JPH1: variants seen among roughly 807,000 people sequenced by gnomAD.
JPH1 encodes the protein junctophilin-1.
A neutral mutation model predicts 53.6 loss-of-function variants in JPH1; 12 were observed. The observed-to-expected ratio is 0.22, with a 90% CI of 0.14 to 0.36. The LOEUF is 0.36. Among genes scored for constraint, JPH1 ranks in the 10% least tolerant of loss-of-function variants. The probability of loss-of-function intolerance (pLI) is 1.00; values close to 1 mark genes in which losing one functional copy is unlikely to be tolerated. For synonymous variants in JPH1, 375 were observed against 363.8 expected (o/e 1.03, Z -0.35); for missense variants, 808 against 905.5 (o/e 0.89, Z 1.38).
At chr8:74,286,089 C>G (rs1489133414) in intron 2 of JPH1, among the ~76,000 whole-genome samples, 1 of 152,182 alleles carries the variant, frequency 6.6e-6, no homozygotes, top group Non-Finnish European at 1.5e-5. Context: ...ATCCTGTTAA[C>G]TAGCCTTTCA....
rs1806436608 is a variant in JPH1, at chr8:74,263,035, T to C, written c.1140-3532A>G. Among the ~76,000 whole-genome samples the C allele has an allele frequency of 2.0e-5, 3 of 152,254 alleles. No individual in the cohort carries two copies. The South Asian group carries it at 6.2e-4, about 31-fold the overall frequency. ...TGGCTTAGGAGAAAATAATCTAGTT[T>C]CTTTTTCTTAAACATATAAGGCTTT... On this transcript the variant is annotated intron_variant, in intron 2 of 5. Transcript: ENST00000342232.
intron 2 of JPH1, among the ~76,000 whole-genome samples, chr8:74,268,183 C>A (rs977019842): frequency 2.0e-5 from 3 of 152,040 alleles, no homozygotes; most frequent in African/African-American, 7.2e-5. Context: ...CAGATAAATG[C>A]CCACTATTAG....
chr8:74,296,597 A>T (rs1346458907), intron 2 of JPH1, among the ~76,000 whole-genome samples: 1 of 152,252 alleles, frequency 6.6e-6, no homozygotes, highest in African/African-American at 2.4e-5. Context: ...TCAAAATGTC[A>T]TGAGAAAATC....
In JPH1 at chr8:74,283,796, G is replaced by A. The variant is rs148256767; in HGVS notation, c.1140-24293C>T. On this transcript the variant is annotated intron_variant, in intron 2 of 5. Coordinates refer to ENST00000342232, the MANE Select transcript of JPH1 (RefSeq NM_020647.4). Reference sequence around the variant, plus strand: ...CTAACATACACTGAAAGTGGTACTTGTTGGCATTAGAATTGAACTCTTGGA... The same window carrying A: ...CTAACATACACTGAAAGTGGTACTTATTGGCATTAGAATTGAACTCTTGGA... Among the ~76,000 whole-genome samples, 692 of 152,302 alleles carry A rather than the reference G, an allele frequency of 4.5e-3. 15 individuals carry two copies. The highest frequency in any genetic ancestry group is 0.038 in the Admixed American group (582 of 15,308).
intron 2 of JPH1, among the ~76,000 whole-genome samples, chr8:74,289,180 T>C (rs1807252835): frequency 6.6e-6 from 1 of 152,200 alleles, no homozygotes; most frequent in South Asian, 2.1e-4. Context: ...GAAACCTTCC[T>C]GTTTTGAGAA....
At chr8:74,245,576 A>G (rs1480765994) in intron 3 of JPH1, among the ~76,000 whole-genome samples, 1 of 152,222 alleles carries the variant, frequency 6.6e-6, no homozygotes, top group Non-Finnish European at 1.5e-5. Context: ...GTATACTGTA[A>G]GAGGAGAACC....
chr8:74,258,195 T>C (rs1563399372), intron 3 of JPH1, among the ~76,000 whole-genome samples: 1 of 152,242 alleles, frequency 6.6e-6, no homozygotes, highest in Non-Finnish European at 1.5e-5. Context: ...ATGCTAGTTA[T>C]ACAGCTTGAT....
intron 2 of JPH1, among the ~76,000 whole-genome samples, chr8:74,311,622 T>A (rs764477119): frequency 6.6e-6 from 1 of 151,762 alleles, no homozygotes; most frequent in African/African-American, 2.4e-5. Context: ...GCTGCACCCA[T>A]CAACCCATCA....
At position 74,235,653 on chromosome 8, in the gene JPH1, C is replaced by A. The variant is rs2131369618; in HGVS notation, c.*1398G>T. 1 of 152,636 alleles carries A rather than the reference C, an allele frequency of 6.6e-6. No individual in the cohort carries two copies. The highest frequency in any genetic ancestry group is 6.5e-5 in the Admixed American group (1 of 15,288). The allele number at this position is 152,636 out of a possible 1,614,324, so 9.5% of individuals were successfully genotyped here. A position where few individuals can be genotyped will look rare whatever the true frequency, so the allele number is the denominator to read the frequency against. Reference sequence around the variant, plus strand: ...TTTTAAGTAATTACTTTTATAAAGACCATTTAGTTTCTATAAGTAAGCATG... The same window carrying A: ...TTTTAAGTAATTACTTTTATAAAGAACATTTAGTTTCTATAAGTAAGCATG... On this transcript the variant is annotated 3_prime_UTR_variant, in exon 6 of 6. Coordinates refer to ENST00000342232, the MANE Select transcript of JPH1 (RefSeq NM_020647.4).
intron 2 of JPH1, among the ~76,000 whole-genome samples, chr8:74,306,889 G>A (rs868060840): frequency 2.0e-5 from 3 of 151,728 alleles, no homozygotes; most frequent in South Asian, 2.1e-4. Context: ...GAGCCACCAC[G>A]CCCGGCCTAC....
rs1180616833 is a variant in JPH1 at position 74,234,711 on chromosome 8, C to T, written c.*2340G>A. ...AACACACCTCCAACTTCATTAATAA[C>T]CAACTTTTTTTTATTAGAGCAGATA... On this transcript the variant is annotated 3_prime_UTR_variant, in exon 6 of 6. Coordinates refer to ENST00000342232, the MANE Select transcript of JPH1 (RefSeq NM_020647.4). The T allele has an allele frequency of 6.6e-6, 1 of 152,566 alleles. No individual in the cohort carries two copies. The highest frequency in any genetic ancestry group is 1.5e-5 in the Non-Finnish European group (1 of 68,034). The allele number at this position is 152,566 out of a possible 1,614,324, so 9.5% of individuals were successfully genotyped here. A position where few individuals can be genotyped will look rare whatever the true frequency, so the allele number is the denominator to read the frequency against.
chr8:74,310,172 G>C (rs1297364652), intron 2 of JPH1, among the ~76,000 whole-genome samples: 1 of 151,900 alleles, frequency 6.6e-6, no homozygotes, highest in Non-Finnish European at 1.5e-5. Context: ...AGAGCAGTTG[G>C]GATCCAGAAC....
intron 3 of JPH1, among the ~76,000 whole-genome samples, chr8:74,254,108 C>T (rs1237996742): frequency 4.6e-5 from 7 of 152,054 alleles, no homozygotes; most frequent in Non-Finnish European, 1.0e-4. Context: ...AATTTTAGAC[C>T]AATATCCTTG....
At chr8:74,302,202 T>A (rs16938863) in intron 2 of JPH1, among the ~76,000 whole-genome samples, 2,666 of 152,330 alleles carry the variant, frequency 0.018, 84 homozygotes, top group African/African-American at 0.061. Context: ...TGTGCACCAG[T>A]GCATAACACA....
intron 2 of JPH1, among the ~76,000 whole-genome samples, chr8:74,310,330 ATGG>A (rs1447094908): frequency 1.3e-5 from 2 of 151,998 alleles, no homozygotes; most frequent in East Asian, 3.9e-4. Flanking sequence ...TCAATCCCAG[ATGG>A]TGATTTGTAC....
intron 3 of JPH1, among the ~76,000 whole-genome samples, chr8:74,258,078 C>T (rs1439422834): frequency 1.3e-5 from 2 of 152,236 alleles, no homozygotes; most frequent in East Asian, 1.9e-4. Context: ...TTACATCGTT[C>T]GTTAGGACTC....
intron 2 of JPH1, among the ~76,000 whole-genome samples, chr8:74,274,089 C>T (rs1414048982): frequency 6.6e-6 from 1 of 152,162 alleles, no homozygotes; most frequent in Non-Finnish European, 1.5e-5. Context: ...GCATGTGGCA[C>T]CTTTTCCCTT....
intron 2 of JPH1, among the ~76,000 whole-genome samples, chr8:74,295,293 A>ATG (rs756188910): frequency 3.9e-5 from 6 of 151,952 alleles, no homozygotes; most frequent in African/African-American, 7.3e-5. Flanking sequence ...ATGTGACTAT[A>ATG]TGTGTGTGTG....
At chr8:74,283,297 G>C (rs1211941859) in intron 2 of JPH1, among the ~76,000 whole-genome samples, 1 of 151,870 alleles carries the variant, frequency 6.6e-6, no homozygotes, top group Non-Finnish European at 1.5e-5. Context: ...AAAATGGCCT[G>C]TGTGGCATAG....
Sources: allele counts gnomAD v4.1 joint callset (sites outside exome capture counted in the v4.1 genomes callset), GRCh38; gene constraint gnomAD v4.1.1; transcripts MANE v1.5; gene names NCBI Gene and HGNC (gene_info 2026-07-23, HGNC 2026-07-21).